NUDT5: variants seen among roughly 807,000 people sequenced by gnomAD.
The protein encoded by NUDT5 is nudix hydrolase 5.
A neutral mutation model predicts 34.1 loss-of-function variants in NUDT5; 21 were observed. That is an observed-to-expected ratio of 0.62 (90% CI 0.44 to 0.89). The LOEUF is 0.89. Among genes scored for constraint, NUDT5 ranks in the 40% least tolerant of loss-of-function variants. NUDT5 has a pLI of 0.00. For synonymous variants in NUDT5, 85 were observed against 97.6 expected, an observed-to-expected ratio of 0.87 and a Z score of 0.76; for missense variants, 249 against 274.8, an observed-to-expected ratio of 0.91 and a Z score of 0.66.
intron 3 of NUDT5, chr10:12,184,502 T>G (rs1835094593): frequency 6.4e-7 from 1 of 1,552,472 alleles, no homozygotes; most frequent in Non-Finnish European, 8.7e-7. Flanking sequence ...ACCTCAAAAT[T>G]AGCAATGTTG....
chr10:12,183,477 T>C (rs1325656122), intron 3 of NUDT5, among the ~76,000 whole-genome samples: 2 of 152,248 alleles, frequency 1.3e-5, no homozygotes, highest in Admixed American at 6.5e-5. Flanking sequence ...GGCAAGCCCA[T>C]GTATTTGCAT....
chr10:12,174,936 G>A (rs964035554), intron 5 of NUDT5, among the ~76,000 whole-genome samples: 7 of 152,206 alleles, frequency 4.6e-5, no homozygotes, highest in Non-Finnish European at 1.0e-4. Context: ...GCCATTAGGG[G>A]ACTCCCATGG....
intron 4 of NUDT5, among the ~76,000 whole-genome samples, chr10:12,178,470 C>T (rs1301167389): frequency 6.6e-6 from 1 of 152,230 alleles, no homozygotes; most frequent in Non-Finnish European, 1.5e-5. Context: ...CCCACAGCTT[C>T]CTATCTGTGA....
At chr10:12,178,091 TC>T (rs1162477194) in intron 4 of NUDT5, among the ~76,000 whole-genome samples, 191 bp from the exon 5 acceptor site, 1 of 152,126 alleles carries the variant, frequency 6.6e-6, no homozygotes, top group African/African-American at 2.4e-5. Flanking sequence ...GTTTACACTT[TC>T]TTTTTTAAAC....
intron 2 of NUDT5, 32 bp downstream of exon 2, chr10:12,186,197 G>A (rs759329273): frequency 1.4e-6 from 2 of 1,468,448 alleles, no homozygotes; most frequent in East Asian, 2.3e-5. Context: ...TTTATGTGGG[G>A]GAGGGAAGGG....
chr10:12,177,258 G>A (rs987728942), intron 5 of NUDT5, among the ~76,000 whole-genome samples: 2 of 152,182 alleles, frequency 1.3e-5, no homozygotes, highest in African/African-American at 2.4e-5. Flanking sequence ...AAGGGCTCAC[G>A]CCTGTAATCC....
intron 6 of NUDT5, 73 bp from the exon 7 acceptor site, chr10:12,172,939 T>A: frequency 9.2e-7 from 1 of 1,089,576 alleles, no homozygotes; most frequent in Non-Finnish European, 1.4e-6. Context: ...AGGAAGAAGA[T>A]GCGTCCCGCA....
rs1737692292 is a variant in NUDT5 at position 12,166,525 on chromosome 10, G to A, written c.*1177C>T. 3.4e-6 allele frequency: 1 copy of A among 296,606 alleles called. No homozygotes were observed. The highest frequency in any genetic ancestry group is 2.9e-5 in the South Asian group (1 of 33,926). The allele number at this position is 296,606 out of a possible 1,614,324, so 18.4% of individuals were successfully genotyped here. A position where few individuals can be genotyped will look rare whatever the true frequency, so the allele number is the denominator to read the frequency against. ...AGTTTCACTCATAAAAATATCCTGGGCTCAGACAGTGAGCCTGTGGACAAA... is the reference window on the plus strand; with the variant it reads ...AGTTTCACTCATAAAAATATCCTGGACTCAGACAGTGAGCCTGTGGACAAA... On this transcript the variant is annotated 3_prime_UTR_variant, in exon 10 of 10. Transcript: ENST00000491614.
Position 12,182,484 on chromosome 10 carries a change from A to C in NUDT5, c.131+2405T>G, listed in dbSNP as rs182162840. On this transcript the variant is annotated intron_variant, in intron 3 of 9. Transcript: ENST00000491614. The surrounding 1 kb of genome is among the most constrained non-coding windows in gnomAD (Gnocchi z 4.3). ...CTGGTATAAAATATTAGTGCTTTAC[A>C]TAAATCCTCTTCAGAGGCCAGGAAA... is the stretch of plus-strand genomic sequence containing the variant. 1.3e-5 allele frequency among the ~76,000 whole-genome samples: 2 copies of C among 152,154 alleles called. No individual in the cohort carries two copies.
At chr10:12,186,058 T>C (rs568197378) in intron 2 of NUDT5, among the ~76,000 whole-genome samples, 171 bp downstream of exon 2, 2 of 152,270 alleles carry the variant, frequency 1.3e-5, no homozygotes, top group African/African-American at 4.8e-5. Flanking sequence ...AGAGACACAC[T>C]ACTCCTCCCA....
chr10:12,178,997 AGTTAACTTG>A lies in NUDT5; in HGVS notation c.181+77_181+85del, dbSNP rs753458143. 9 of 1,083,906 alleles carry A rather than the reference AGTTAACTTG, an allele frequency of 8.3e-6. 1 individual carries two copies. The East Asian group carries it at 2.1e-4, about 26-fold the overall frequency. The allele number at this position is 1,083,906 out of a possible 1,614,324, so 67.1% of individuals were successfully genotyped here. A position where few individuals can be genotyped will look rare whatever the true frequency, so the allele number is the denominator to read the frequency against. On this transcript the variant is annotated intron_variant, in intron 4 of 9. Transcript: ENST00000491614. ...TTTAAAGACACAACATCCTAATAGAAGTTAACTTGGTTCCATTGAAAACCCTCTTACGAT... is the reference window on the plus strand; with the variant it reads ...TTTAAAGACACAACATCCTAATAGAAGTTCCATTGAAAACCCTCTTACGAT...
rs181980774 is a variant in NUDT5 at position 12,168,565 on chromosome 10, C to T, written c.551-754G>A. Among the ~76,000 whole-genome samples the T allele has an allele frequency of 5.3e-5, 8 of 152,124 alleles. No individual in the cohort carries two copies. The highest frequency in any genetic ancestry group is 1.0e-4 in the Non-Finnish European group (7 of 68,020). ...AGAATGCGGTCTCAGGACCTTATTA[C>T]CACAGGCTTTCATTAAAATTTGTTT... On this transcript the variant is annotated intron_variant, in intron 9 of 9. Coordinates refer to ENST00000491614, the MANE Select transcript of NUDT5 (RefSeq NM_014142.4). This position sits in a 1 kb window ranked among gnomAD's most constrained non-coding sequence, Gnocchi z 4.8.
chr10:12,171,048 C>T lies in NUDT5; in HGVS notation c.488-140G>A, dbSNP rs1026278824. Reference sequence around the variant, plus strand: ...TGCTAACTTAATTTATATACATTGTCAAACTCGAGCAGTATGAAGTTATTG... The same window carrying T: ...TGCTAACTTAATTTATATACATTGTTAAACTCGAGCAGTATGAAGTTATTG... On this transcript the variant is annotated intron_variant, in intron 7 of 9. Coordinates refer to ENST00000491614, the MANE Select transcript of NUDT5 (RefSeq NM_014142.4). This position sits in a 1 kb window ranked among gnomAD's most constrained non-coding sequence, Gnocchi z 4.2. The T allele has an allele frequency of 1.2e-5, 10 of 844,714 alleles. No individual in the cohort carries two copies. Among genetic ancestry groups the T allele is most frequent in the Non-Finnish European group, 1.7e-5 (9 of 536,836 alleles). 52.3% of individuals were successfully genotyped at this position (844,714 alleles called of 1,614,324 possible). A position where few individuals can be genotyped will look rare whatever the true frequency, so the allele number is the denominator to read the frequency against.
intron 9 of NUDT5, 44 bp from the exon 10 acceptor site, chr10:12,167,855 A>G: frequency 3.1e-6 from 5 of 1,608,938 alleles, no homozygotes; most frequent in Non-Finnish European, 2.5e-6. Flanking sequence ...CCGTTAAGGA[A>G]GGACAAAACA....
chr10:12,169,262 A>G lies in NUDT5; in HGVS notation c.551-1451T>C, dbSNP rs773098255. On this transcript the variant is annotated intron_variant, in intron 9 of 9. Coordinates refer to ENST00000491614, the MANE Select transcript of NUDT5 (RefSeq NM_014142.4). This position sits in a 1 kb window ranked among gnomAD's most constrained non-coding sequence, Gnocchi z 4.8. Reference sequence around the variant, plus strand: ...TTTTTTTCTCCCTTTTCTAAGACCAAAAGTGAAGTTAAGAAGGTGGAAGGG... The same window carrying G: ...TTTTTTTCTCCCTTTTCTAAGACCAGAAGTGAAGTTAAGAAGGTGGAAGGG... 3.5e-5 allele frequency: 54 copies of G among 1,549,282 alleles called. No homozygotes were observed. In the South Asian group the frequency reaches 4.4e-4, roughly 13 times the overall value.
In NUDT5 at chr10:12,165,422, A is replaced by C. The variant is rs1834646714; in HGVS notation, c.*2280T>G. The stretch of plus-strand genomic sequence containing the variant: ...CTGATATTAAACGTTTTCTAAGATC[A>C]TTTGTATAGGTTCAGTGTATTCATA... On this transcript the variant is annotated 3_prime_UTR_variant, in exon 10 of 10. Transcript: ENST00000491614. 1.1e-6 allele frequency: 1 copy of C among 916,994 alleles called. No homozygotes were observed. The highest frequency in any genetic ancestry group is 1.3e-6 in the Non-Finnish European group (1 of 767,666). 56.8% of individuals were successfully genotyped at this position (916,994 alleles called of 1,614,324 possible). A position where few individuals can be genotyped will look rare whatever the true frequency, so the allele number is the denominator to read the frequency against.
chr10:12,179,869 C>G (rs1467055092), intron 3 of NUDT5, among the ~76,000 whole-genome samples: 1 of 152,160 alleles, frequency 6.6e-6, no homozygotes, highest in Non-Finnish European at 1.5e-5. Flanking sequence ...GTTACTGACA[C>G]AATTATGCAG....
intron 1 of NUDT5, among the ~76,000 whole-genome samples, chr10:12,193,124 G>A (rs1835264423): frequency 6.6e-6 from 1 of 152,188 alleles, no homozygotes; most frequent in Non-Finnish European, 1.5e-5. Flanking sequence ...AGGTGAATTG[G>A]TTACAGACGT....
rs1007985585 is a variant in NUDT5 at position 12,181,705 on chromosome 10, G to A, written c.132-2573C>T. Among the ~76,000 whole-genome samples the A allele has an allele frequency of 3.0e-4, 46 of 152,236 alleles. 1 individual carries two copies. The highest frequency in any genetic ancestry group is 1.1e-3 in the African/African-American group (44 of 41,536). ...GTGCAAAGGATATATCGGGCCGGGT[G>A]TGGTGGCTCACGCCTGAAACCCCAG... On this transcript the variant is annotated intron_variant, in intron 3 of 9. Coordinates refer to ENST00000491614, the MANE Select transcript of NUDT5 (RefSeq NM_014142.4). The surrounding 1 kb of genome is among the most constrained non-coding windows in gnomAD (Gnocchi z 5.0).
Sources: allele counts gnomAD v4.1 joint callset (sites outside exome capture counted in the v4.1 genomes callset), GRCh38; gene constraint gnomAD v4.1.1; non-coding constraint Gnocchi (gnomAD v3.1); transcripts MANE v1.5; gene names NCBI Gene and HGNC (gene_info 2026-07-23, HGNC 2026-07-21).